The following EXOC4 variants were observed in gnomAD, a reference collection of about 807,000 sequenced individuals.
EXOC4 encodes the protein SEC8-like 1.
A neutral mutation model predicts 107.2 loss-of-function variants in EXOC4; 71 were observed. The observed-to-expected ratio is 0.66, with a 90% CI of 0.55 to 0.81. EXOC4 has a LOEUF of 0.81. EXOC4 is among the 30% of genes least tolerant of loss of function. The pLI is 0.00. For synonymous variants in EXOC4, 456 were observed against 441.2 expected, an observed-to-expected ratio of 1.03 and a Z score of -0.42; for missense variants, 1,108 against 1,189.6, an observed-to-expected ratio of 0.93 and a Z score of 1.01.
chr7:133,283,871 T>G (rs1219588759), intron 2 of EXOC4, among the ~76,000 whole-genome samples: 1 of 152,216 alleles, frequency 6.6e-6, no homozygotes, highest in Non-Finnish European at 1.5e-5. Flanking sequence ...TAGTTTTTTT[T>G]GCTTGCCATA....
At chr7:133,886,277 G>T (rs905754346) in intron 11 of EXOC4, among the ~76,000 whole-genome samples, 1 of 152,144 alleles carries the variant, frequency 6.6e-6, no homozygotes, top group Non-Finnish European at 1.5e-5. Flanking sequence ...CTTTGATTCA[G>T]TATTTTCCAA....
chr7:133,952,973 T>C (rs555125166), intron 14 of EXOC4, among the ~76,000 whole-genome samples: 1 of 152,336 alleles, frequency 6.6e-6, no homozygotes, highest in Admixed American at 6.5e-5. Context: ...CAAATATCTG[T>C]TCAAGTCCTG....
At chr7:133,583,169 CTTT>C (rs952140595) in intron 9 of EXOC4, among the ~76,000 whole-genome samples, 1 of 152,068 alleles carries the variant, frequency 6.6e-6, no homozygotes, top group African/African-American at 2.4e-5. Context: ...CTCTCTTCTT[CTTT>C]ATTTACATTT....
intron 13 of EXOC4, among the ~76,000 whole-genome samples, chr7:133,933,647 C>T (rs1365330629): frequency 1.3e-5 from 2 of 152,208 alleles, no homozygotes; most frequent in Non-Finnish European, 1.5e-5. Context: ...TGTCCAGTTG[C>T]CAGGCAGCAG....
At chr7:133,336,239 A>G (rs1795508998) in intron 5 of EXOC4, among the ~76,000 whole-genome samples, 1 of 152,108 alleles carries the variant, frequency 6.6e-6, no homozygotes, top group South Asian at 2.1e-4. Context: ...TTTCTGTCAT[A>G]TCCTGGAAAT....
chr7:134,069,213 T>TTCTTCTC (rs1796232440), downstream of EXOC4, among the ~76,000 whole-genome samples: 1 of 147,948 alleles, frequency 6.8e-6, no homozygotes, highest in Non-Finnish European at 1.5e-5. Flanking sequence ...CAGTTCTTCT[T>TTCTTCTC]CTTCTTCTCC....
At chr7:133,524,001 TC>T (rs1800030474) in intron 9 of EXOC4, among the ~76,000 whole-genome samples, 2 of 149,740 alleles carry the variant, frequency 1.3e-5, no homozygotes, top group Non-Finnish European at 3.0e-5. Flanking sequence ...TAGTTCTAGA[TC>T]CCTGAGGAAT....
At chr7:133,860,064 A>G (rs139314655) in intron 11 of EXOC4, among the ~76,000 whole-genome samples, 135 of 152,302 alleles carry the variant, frequency 8.9e-4, no homozygotes, top group South Asian at 6.6e-3. Context: ...AATGTTGGCA[A>G]TTTCCTACTA....
At chr7:133,470,042 C>T (rs1798833663) in intron 7 of EXOC4, among the ~76,000 whole-genome samples, 1 of 152,110 alleles carries the variant, frequency 6.6e-6, no homozygotes, top group African/African-American at 2.4e-5. Context: ...GCATGGCTAC[C>T]AGAGTCCACT....
chr7:133,790,360 A>C (rs891350377), intron 10 of EXOC4, among the ~76,000 whole-genome samples: 3 of 152,216 alleles, frequency 2.0e-5, no homozygotes, highest in Admixed American at 6.5e-5. Context: ...TGTCCAACCC[A>C]CTGGGGGCAC....
chr7:133,483,897 C>A (rs1799213199), intron 9 of EXOC4: 1 of 816,846 alleles, frequency 1.2e-6, no homozygotes. Flanking sequence ...TTCAGCTTGT[C>A]CCTGAAAAGG....
chr7:133,677,129 A>C (rs1232629282), intron 10 of EXOC4, among the ~76,000 whole-genome samples: 1 of 152,066 alleles, frequency 6.6e-6, no homozygotes, highest in African/African-American at 2.4e-5. Context: ...CATGAGAAAA[A>C]ACTTAGTGGT....
chr7:133,426,573 T>G (rs1037750932), intron 7 of EXOC4, among the ~76,000 whole-genome samples: 2 of 152,256 alleles, frequency 1.3e-5, no homozygotes, highest in African/African-American at 4.8e-5. Context: ...AAATATTGGT[T>G]CCTTTTGCCT....
intron 9 of EXOC4, among the ~76,000 whole-genome samples, chr7:133,585,433 C>A (rs922623403): frequency 6.6e-6 from 1 of 152,060 alleles, no homozygotes; most frequent in Non-Finnish European, 1.5e-5. Context: ...TTACTCTGGG[C>A]AGTGGTGATA....
chr7:133,356,513 C>T lies in EXOC4; in HGVS notation c.947C>T (p.Thr316Ile), dbSNP rs374961055. Residue 316 changes from threonine to isoleucine, a missense_variant, in exon 6 of 18, where the codon ACC becomes ATC. By Grantham distance (89) the Thr-to-Ile change is moderately conservative. Transcript: ENST00000253861. ...AAGCAAATTGTGAAGAGGTCTACAA[C>T]CCAGGTGGCAGACAGTGGCTATCAG... is the stretch of plus-strand genomic sequence containing the variant. The part of the protein sequence containing the change: ...ELKQIVKRST[T>I]QVADSGYQRG... 1.3e-5 allele frequency: 21 copies of T among 1,614,088 alleles called. No individual in the cohort carries two copies. The highest frequency in any genetic ancestry group is 1.8e-5 in the Non-Finnish European group (21 of 1,179,982).
At chr7:133,537,300 C>CT (rs1041336843) in intron 9 of EXOC4, among the ~76,000 whole-genome samples, 1 of 148,278 alleles carries the variant, frequency 6.7e-6, no homozygotes, top group Admixed American at 6.6e-5. Context: ...ACAGGCACCC[C>CT]CCCCCCCACC....
rs755862799 is a variant in EXOC4, at chr7:133,305,997, C to A, written c.592C>A (p.Arg198=). 6.2e-7 allele frequency: 1 copy of A among 1,613,626 alleles called. No individual in the cohort carries two copies. The highest frequency in any genetic ancestry group is 8.5e-7 in the Non-Finnish European group (1 of 1,179,854). ...LHLVLIDELH[R]HLYIKSTSRV... Reference sequence around the variant, plus strand: ...CTTGGTTCTCATAGATGAACTACACCGGCACCTGTACATCAAATCGACTAG... The same window carrying A: ...CTTGGTTCTCATAGATGAACTACACAGGCACCTGTACATCAAATCGACTAG... The change falls in exon 4 of 18, where the codon CGG becomes AGG. Residue 198 remains arginine, a synonymous_variant. Transcript: ENST00000253861.
chr7:133,371,636 T>C (rs1796380025), intron 6 of EXOC4, among the ~76,000 whole-genome samples: 1 of 152,230 alleles, frequency 6.6e-6, no homozygotes, highest in Non-Finnish European at 1.5e-5. Context: ...ATTTATCAGT[T>C]GATGGATATT....
chr7:133,707,088 CTTCT>C (rs990105192), intron 10 of EXOC4, among the ~76,000 whole-genome samples: 14 of 148,112 alleles, frequency 9.5e-5, no homozygotes, highest in African/African-American at 3.5e-4. Flanking sequence ...TTTGCCTGTT[CTTCT>C]TTAAGAAAAC....
Sources: allele counts gnomAD v4.1 joint callset (sites outside exome capture counted in the v4.1 genomes callset), GRCh38; gene constraint gnomAD v4.1.1; transcripts MANE v1.5; gene names NCBI Gene and HGNC (gene_info 2026-07-23, HGNC 2026-07-21).